Variants in NSUN7 observed in about 807,000 individuals in gnomAD.
NSUN7 encodes the protein protein NSUN7.
In NSUN7, 39 loss-of-function variants were observed where a neutral mutation model predicts 58.5. The ratio of observed to expected loss-of-function variants is 0.67; its 90% CI spans 0.52 to 0.87. The LOEUF is 0.87. NSUN7 is among the 40% of genes least tolerant of loss of function. The pLI is 0.00. For missense variants in NSUN7, 765 were observed against 844.1 expected, an observed-to-expected ratio of 0.91 and a Z score of 1.16; for synonymous variants, 278 against 303.7, an observed-to-expected ratio of 0.92 and a Z score of 0.88.
At position 40,810,835 on chromosome 4, in the gene NSUN7, G is replaced by A. The variant is rs938303325; in HGVS notation, c.*1896G>A. 2.0e-5 allele frequency: 3 copies of A among 152,260 alleles called. No homozygotes were observed. The highest frequency in any genetic ancestry group is 7.2e-5 in the African/African-American group (3 of 41,550). 9.4% of individuals were successfully genotyped at this position (152,260 alleles called of 1,614,324 possible). A position where few individuals can be genotyped will look rare whatever the true frequency, so the allele number is the denominator to read the frequency against. ...TATCTGGTTGGTTAGGGTAGTCCAT[G>A]CCTCAAGGAAGGCGGTGCAGCTTAA... On this transcript the variant is annotated 3_prime_UTR_variant, in exon 12 of 12. Transcript: ENST00000381782.
intron 4 of NSUN7, chr4:40,762,856 G>C (rs2154286888): frequency 8.3e-6 from 1 of 120,976 alleles, no homozygotes; most frequent in East Asian, 1.9e-4. Context: ...AGAATCTAAG[G>C]ATTCATCTAA....
intron 4 of NSUN7, among the ~76,000 whole-genome samples, chr4:40,763,859 G>T (rs1741578203): frequency 6.6e-6 from 1 of 151,874 alleles, no homozygotes; most frequent in Non-Finnish European, 1.5e-5. Context: ...AAATCTTATT[G>T]CTAGGAATTA....
At chr4:40,781,387 G>A (rs1400854364) in intron 7 of NSUN7, among the ~76,000 whole-genome samples, 1 of 151,946 alleles carries the variant, frequency 6.6e-6, no homozygotes, top group East Asian at 1.9e-4. Flanking sequence ...AAAATACATG[G>A]GCTGAATACT....
chr4:40,761,138 A>T, intron 3 of NSUN7, 33 bp from the exon 4 acceptor site: 1 of 1,512,526 alleles, frequency 6.6e-7, no homozygotes, highest in Non-Finnish European at 9.0e-7. Context: ...TATTGTTTGT[A>T]TACTTTTCTT....
intron 4 of NSUN7, 67 bp from the exon 5 acceptor site, chr4:40,774,198 T>C (rs2154287617): frequency 6.6e-6 from 9 of 1,355,950 alleles, no homozygotes; most frequent in African/African-American, 1.5e-5. Flanking sequence ...TTTTTTAGAG[T>C]TTCCAGTGGA....
chr4:40,774,308 A>C lies in NSUN7; in HGVS notation c.532A>C (p.Lys178Gln), dbSNP rs765101782. The change falls in exon 5 of 12, where the codon AAG becomes CAG. Residue 178 changes from lysine to glutamine, a missense_variant. Transcript: ENST00000381782. ...TGCAGCATTGGCAAGATGTCGAATCAAGCATGATGCCCTTTCAATTTACCA... is the reference window on the plus strand; with the variant it reads ...TGCAGCATTGGCAAGATGTCGAATCCAGCATGATGCCCTTTCAATTTACCA... ...LAAALARCRI[K>Q]HDALSIYHIL... 1 of 1,614,114 alleles carries C rather than the reference A, an allele frequency of 6.2e-7. No individual in the cohort carries two copies. The highest frequency in any genetic ancestry group is 8.5e-7 in the Non-Finnish European group (1 of 1,179,968).
chr4:40,760,795 A>G lies in NSUN7; in HGVS notation c.357+303A>G, dbSNP rs565373549. 1.2e-3 allele frequency among the ~76,000 whole-genome samples: 187 copies of G among 151,160 alleles called. 1 individual carries two copies. In the Middle Eastern group the frequency reaches 0.014, roughly 11 times the overall value. The stretch of plus-strand genomic sequence containing the variant: ...AGAATTGCTTGAAAACCCAGGAGGC[A>G]GAGGTTGCAGTGAGCTAGATTGCGC... On this transcript the variant is annotated intron_variant, in intron 3 of 11. Coordinates refer to ENST00000381782, the MANE Select transcript of NSUN7 (RefSeq NM_024677.6).
At chr4:40,805,004 A>C (rs137957479) in intron 10 of NSUN7, among the ~76,000 whole-genome samples, 7 of 152,118 alleles carry the variant, frequency 4.6e-5, no homozygotes, top group Non-Finnish European at 1.0e-4. Flanking sequence ...TCCTCTCAAC[A>C]TAGCCTTCTG....
At chr4:40,774,734 T>G in intron 5 of NSUN7, 33 bp from the exon 6 acceptor site, 1 of 1,316,718 alleles carries the variant, frequency 7.6e-7, no homozygotes, top group Non-Finnish European at 1.1e-6. Context: ...TGTATTATAT[T>G]TGTAATTACA....
intron 10 of NSUN7, among the ~76,000 whole-genome samples, chr4:40,799,258 G>A (rs931876983): frequency 1.3e-5 from 2 of 151,736 alleles, no homozygotes; most frequent in Non-Finnish European, 2.9e-5. Flanking sequence ...GCTAATTTTT[G>A]TATTTTTAGT....
At position 40,808,427 on chromosome 4, in the gene NSUN7, A is replaced by G. The variant is rs775446836; in HGVS notation, c.1645A>G (p.Lys549Glu). The change falls in exon 12 of 12, where the codon AAA (lysine) becomes GAA (glutamate). Residue 549 changes from lysine (K) to glutamate (E), a missense_variant. Coordinates refer to ENST00000381782, the MANE Select transcript of NSUN7 (RefSeq NM_024677.6). ...ACGGGAGAAGAAGAAGAAAAAATCA[A>G]AAACATCATTGACAAAAGGTGCCAC... ...SKREKKKKKSKTSLTKGATTD... is the reference protein window; with the variant it reads ...SKREKKKKKSETSLTKGATTD... 36 of 1,612,944 alleles carry G rather than the reference A, an allele frequency of 2.2e-5. No homozygotes were observed. Among genetic ancestry groups the G allele is most frequent in the Non-Finnish European group, 3.1e-5 (36 of 1,179,320 alleles).
intron 4 of NSUN7, among the ~76,000 whole-genome samples, chr4:40,772,738 C>A (rs1353376749): frequency 2.0e-5 from 3 of 152,180 alleles, no homozygotes; most frequent in Non-Finnish European, 4.4e-5. Flanking sequence ...TCCTGGCTCC[C>A]AGCATTCTTT....
intron 11 of NSUN7, 79 bp from the exon 12 acceptor site, chr4:40,808,228 A>T: frequency 6.9e-7 from 1 of 1,451,208 alleles, no homozygotes; most frequent in Non-Finnish European, 9.3e-7. Flanking sequence ...TTTTATTTTT[A>T]CTGATACATT....
chr4:40,806,270 C>T (rs536460271), intron 10 of NSUN7, among the ~76,000 whole-genome samples: 50 of 152,310 alleles, frequency 3.3e-4, no homozygotes, highest in African/African-American at 8.9e-4. Flanking sequence ...GCTGGGATTA[C>T]AGGCGTAAGC....
At chr4:40,807,297 C>A in intron 11 of NSUN7, 113 bp downstream of exon 11, 1 of 950,026 alleles carries the variant, frequency 1.1e-6, no homozygotes, top group Non-Finnish European at 1.5e-6. Flanking sequence ...TTGCATTTCA[C>A]AAACACATTT....
At chr4:40,783,099 C>A (rs1422449745) in intron 7 of NSUN7, among the ~76,000 whole-genome samples, 1 of 152,180 alleles carries the variant, frequency 6.6e-6, no homozygotes, top group Non-Finnish European at 1.5e-5. Context: ...ATAGGACTCA[C>A]ATTTCCTGAT....
At chr4:40,753,975 T>C (rs898421428) in intron 2 of NSUN7, among the ~76,000 whole-genome samples, 24 of 152,118 alleles carry the variant, frequency 1.6e-4, no homozygotes, top group Admixed American at 9.2e-4. Context: ...CCATTAAACC[T>C]CTGTCTTTTG....
In NSUN7 at chr4:40,798,783, A is replaced by G. The variant is rs1743429852; in HGVS notation, c.1283-4A>G. 6.5e-7 allele frequency: 1 copy of G among 1,530,576 alleles called. No individual in the cohort carries two copies. Among genetic ancestry groups the G allele is most frequent in the South Asian group, 1.1e-5 (1 of 87,878 alleles). The allele number at this position is 1,530,576 out of a possible 1,614,324, so 94.8% of individuals were successfully genotyped here. ...TACAGTCATTGCATCTTCTTCTAAT[A>G]TAGTTACTAAAGCTCAAGCAGTTGT... On this transcript the variant is annotated splice_region_variant and splice_polypyrimidine_tract_variant and intron_variant, in intron 9 of 11. Coordinates refer to ENST00000381782, the MANE Select transcript of NSUN7 (RefSeq NM_024677.6).
intron 8 of NSUN7, 118 bp downstream of exon 8, chr4:40,790,863 T>C (rs997224647): frequency 1.3e-6 from 1 of 753,326 alleles, no homozygotes; most frequent in African/African-American, 1.8e-5. Flanking sequence ...AGCAACCACA[T>C]ATAAAGTACT....
Sources: gnomAD v4.1 joint callset for allele counts (sites outside exome capture counted in the v4.1 genomes callset) on GRCh38, gnomAD v4.1.1 for gene constraint, MANE v1.5 for transcripts, NCBI Gene and HGNC (gene_info 2026-07-23, HGNC 2026-07-21) for gene names.